Variants in GPC6 observed in about 807,000 individuals in gnomAD.
GPC6 encodes glypican 6, also known as glypican-6.
In GPC6, 14 loss-of-function variants were observed where a neutral mutation model predicts 55.2. The ratio of observed to expected loss-of-function variants is 0.25; its 90% CI spans 0.17 to 0.40. GPC6 has a LOEUF of 0.40. Ranked by LOEUF, GPC6 falls within the 10% of genes least tolerant of loss-of-function variation. The pLI is 1.00. For synonymous variants in GPC6, 278 were observed against 259.6 expected (o/e 1.07, Z -0.68); for missense variants, 641 against 708.5 (o/e 0.90, Z 1.08).
chr13:94,342,854 C>G (rs1460727961), intron 6 of GPC6, among the ~76,000 whole-genome samples: 1 of 152,060 alleles, frequency 6.6e-6, no homozygotes, highest in Non-Finnish European at 1.5e-5. Flanking sequence ...CGCCAGCTCC[C>G]CGTTCAATAC....
chr13:93,662,356 G>A (rs145733092), intron 2 of GPC6, among the ~76,000 whole-genome samples: 69 of 152,298 alleles, frequency 4.5e-4, no homozygotes, highest in African/African-American at 1.5e-3. Flanking sequence ...TAGGCTGGGG[G>A]TGGTGGCTCA....
chr13:93,520,580 G>C (rs1199399955), intron 1 of GPC6, among the ~76,000 whole-genome samples: 1 of 151,616 alleles, frequency 6.6e-6, no homozygotes, highest in African/African-American at 2.4e-5. Context: ...AAGAGTGTTG[G>C]AAAATTTTGA....
chr13:93,790,105 G>A (rs1400987957), intron 2 of GPC6, among the ~76,000 whole-genome samples: 1 of 152,088 alleles, frequency 6.6e-6, no homozygotes, highest in Non-Finnish European at 1.5e-5. Flanking sequence ...AATGAAGGTG[G>A]CGTTACCATA....
intron 4 of GPC6, among the ~76,000 whole-genome samples, chr13:94,172,021 G>A (rs1888585831): frequency 6.6e-6 from 1 of 152,124 alleles, no homozygotes; most frequent in African/African-American, 2.4e-5. Context: ...CAGGTATTTG[G>A]ATGAATAGTT....
chr13:93,922,549 T>A (rs912849057), intron 3 of GPC6, among the ~76,000 whole-genome samples: 2 of 152,166 alleles, frequency 1.3e-5, no homozygotes, highest in Non-Finnish European at 2.9e-5. Context: ...TCAGCTATGT[T>A]CCTAGTTTCT....
intron 2 of GPC6, among the ~76,000 whole-genome samples, chr13:93,549,339 A>G (rs576523211): frequency 9.2e-5 from 14 of 152,282 alleles, no homozygotes; most frequent in African/African-American, 3.1e-4. Context: ...AGCCTGTCAA[A>G]TTGGCATTTG....
At chr13:93,802,746 G>A (rs1303340099) in intron 2 of GPC6, among the ~76,000 whole-genome samples, 2 of 152,104 alleles carry the variant, frequency 1.3e-5, no homozygotes, top group East Asian at 1.9e-4. Context: ...ATGAAAAATG[G>A]TATGTCTCTT....
At chr13:94,384,001 G>C (rs1409956996) in intron 7 of GPC6, among the ~76,000 whole-genome samples, 2 of 152,164 alleles carry the variant, frequency 1.3e-5, no homozygotes, top group Non-Finnish European at 2.9e-5. Context: ...CTTGATCCAA[G>C]GTCCTGTTCT....
At chr13:93,407,288 A>C (rs908215430) in intron 1 of GPC6, among the ~76,000 whole-genome samples, 2 of 152,128 alleles carry the variant, frequency 1.3e-5, no homozygotes, top group African/African-American at 4.8e-5. Context: ...AGAAAAAAGC[A>C]AATATGGCAA....
chr13:93,380,852 A>G (rs1469541706), intron 1 of GPC6, among the ~76,000 whole-genome samples: 1 of 152,094 alleles, frequency 6.6e-6, no homozygotes, highest in African/African-American at 2.4e-5. Flanking sequence ...TGGCGCACAC[A>G]TTTATTCAAT....
chr13:94,188,520 AAT>A (rs943166020), intron 4 of GPC6, among the ~76,000 whole-genome samples: 2 of 152,188 alleles, frequency 1.3e-5, no homozygotes, highest in Non-Finnish European at 2.9e-5. Flanking sequence ...ACTAAAGTTG[AAT>A]AAAGAAAAAA....
At chr13:93,770,576 A>C (rs1176609722) in intron 2 of GPC6, among the ~76,000 whole-genome samples, 1 of 152,140 alleles carries the variant, frequency 6.6e-6, no homozygotes, top group African/African-American at 2.4e-5. Context: ...GTGCCTCAGA[A>C]GCTTTGTGGA....
chr13:93,976,601 G>A (rs1357522178), intron 3 of GPC6, among the ~76,000 whole-genome samples: 1 of 150,926 alleles, frequency 6.6e-6, no homozygotes, highest in Admixed American at 6.6e-5. Context: ...TCACTTGTCT[G>A]GGACAACGTA....
At chr13:93,983,301 C>T (rs1362659552) in intron 3 of GPC6, among the ~76,000 whole-genome samples, 1 of 152,120 alleles carries the variant, frequency 6.6e-6, no homozygotes, top group African/African-American at 2.4e-5. Flanking sequence ...TGTTTTTCTC[C>T]TGATCACCAA....
intron 1 of GPC6, among the ~76,000 whole-genome samples, chr13:93,405,022 TA>T (rs1361964815): frequency 6.6e-6 from 1 of 152,216 alleles, no homozygotes; most frequent in Non-Finnish European, 1.5e-5. Flanking sequence ...CTATTCTATT[TA>T]AATTTCAGCG....
At chr13:94,105,931 A>G (rs998419058) in intron 4 of GPC6, among the ~76,000 whole-genome samples, 15 of 151,514 alleles carry the variant, frequency 9.9e-5, no homozygotes, top group African/African-American at 3.6e-4. Context: ...CCCACGACCA[A>G]GAGTTATCCA....
intron 3 of GPC6, among the ~76,000 whole-genome samples, chr13:93,935,167 A>G (rs907351574): frequency 2.0e-5 from 3 of 152,120 alleles, no homozygotes; most frequent in East Asian, 1.9e-4. Flanking sequence ...TTACATGGGT[A>G]TATTACGTAA....
At chr13:94,314,741 A>C (rs1423748891) in intron 6 of GPC6, among the ~76,000 whole-genome samples, 1 of 152,266 alleles carries the variant, frequency 6.6e-6, no homozygotes, top group Non-Finnish European at 1.5e-5. Flanking sequence ...TGTGATGTTC[A>C]TGCTTATGAG....
At chr13:94,242,707 C>A (rs1181311459) in intron 4 of GPC6, among the ~76,000 whole-genome samples, 2 of 152,036 alleles carry the variant, frequency 1.3e-5, no homozygotes, top group East Asian at 3.9e-4. Flanking sequence ...TGAGTGAAAT[C>A]TGGAAGGAGT....
Sources: gnomAD v4.1 joint callset for allele counts (sites outside exome capture counted in the v4.1 genomes callset) on GRCh38, gnomAD v4.1.1 for gene constraint, MANE v1.5 for transcripts, NCBI Gene and HGNC (gene_info 2026-07-23, HGNC 2026-07-21) for gene names.